The following LHFPL6 variants were observed in gnomAD, a reference collection of about 807,000 sequenced individuals.
LHFPL6 encodes the protein LHFPL tetraspan subfamily member 6 protein.
A neutral mutation model predicts 20.6 loss-of-function variants in LHFPL6; 9 were observed. That is an observed-to-expected ratio of 0.44 (90% CI 0.26 to 0.76). LHFPL6 has a LOEUF of 0.76. LHFPL6 is among the 30% of genes least tolerant of loss of function. The probability of loss-of-function intolerance (pLI) is 0.20; values close to 1 mark genes in which losing one functional copy is unlikely to be tolerated. For missense variants in LHFPL6, 218 were observed against 253.5 expected, an observed-to-expected ratio of 0.86 and a Z score of 0.95; for synonymous variants, 105 against 98.7, an observed-to-expected ratio of 1.06 and a Z score of -0.38.
At chr13:39,398,417 A>C (rs543920581) in intron 2 of LHFPL6, among the ~76,000 whole-genome samples, 1 of 152,318 alleles carries the variant, frequency 6.6e-6, no homozygotes, top group South Asian at 2.1e-4. Context: ...CCAAATAGTA[A>C]GAAAGATGTA....
chr13:39,359,611 T>C lies in LHFPL6; in HGVS notation c.485-15557A>G, dbSNP rs570050461. Among the ~76,000 whole-genome samples the C allele has an allele frequency of 1.6e-4, 24 of 152,226 alleles. No homozygotes were observed. The South Asian group carries it at 4.6e-3, about 29-fold the overall frequency. On this transcript the variant is annotated intron_variant, in intron 3 of 3. Coordinates refer to ENST00000379589, the MANE Select transcript of LHFPL6 (RefSeq NM_005780.3). ...AACATGTACATAAAGATGGGAACAA[T>C]AGATATTGGGGAATACAAGGAGAAG...
chr13:39,481,918 G>A (rs919590975), intron 2 of LHFPL6, among the ~76,000 whole-genome samples: 3 of 152,166 alleles, frequency 2.0e-5, no homozygotes, highest in Non-Finnish European at 4.4e-5. Flanking sequence ...GTAGAGAGAT[G>A]ATGGTGCCTG....
intron 2 of LHFPL6, among the ~76,000 whole-genome samples, chr13:39,576,831 T>A (rs1362855212): frequency 3.9e-5 from 6 of 152,148 alleles, no homozygotes; most frequent in Non-Finnish European, 8.8e-5. Flanking sequence ...AGAGACAATG[T>A]CTCATTACGT....
chr13:39,585,191 G>T (rs1449180232), intron 2 of LHFPL6, among the ~76,000 whole-genome samples: 1 of 152,192 alleles, frequency 6.6e-6, no homozygotes, highest in East Asian at 1.9e-4. Context: ...GAGCTTGAGG[G>T]AATACACAGA....
At chr13:39,344,179 T>A in intron 3 of LHFPL6, 125 bp from the exon 4 acceptor site, 1 of 668,462 alleles carries the variant, frequency 1.5e-6, no homozygotes, top group African/African-American at 1.8e-5. Flanking sequence ...CTCGCTTAAA[T>A]GGAATAATAA....
chr13:39,559,180 G>A (rs1170775514), intron 2 of LHFPL6, among the ~76,000 whole-genome samples: 1 of 152,190 alleles, frequency 6.6e-6, no homozygotes, highest in Non-Finnish European at 1.5e-5. Context: ...GCCAAGGGAG[G>A]ACTCAGTGCC....
At position 39,440,722 on chromosome 13, in the gene LHFPL6, G is replaced by A. The variant is rs539819545; in HGVS notation, c.386-62196C>T. On this transcript the variant is annotated intron_variant, in intron 2 of 3. Coordinates refer to ENST00000379589, the MANE Select transcript of LHFPL6 (RefSeq NM_005780.3). ...CTCAAGCAATTCTCCTGCTTCAGCC[G>A]GATATGGTTTGGCTGTGTCCCCCAC... is the stretch of plus-strand genomic sequence containing the variant. 2.7e-3 allele frequency among the ~76,000 whole-genome samples: 403 copies of A among 151,976 alleles called. 1 individual carries two copies. The highest frequency in any genetic ancestry group is 3.9e-3 in the Non-Finnish European group (265 of 67,948).
At chr13:39,506,701 G>A (rs1323804276) in intron 2 of LHFPL6, among the ~76,000 whole-genome samples, 1 of 152,098 alleles carries the variant, frequency 6.6e-6, no homozygotes, top group Non-Finnish European at 1.5e-5. Flanking sequence ...TGGCAGAGAA[G>A]GAAGGAGGTG....
At chr13:39,430,010 T>G (rs1222228986) in intron 2 of LHFPL6, among the ~76,000 whole-genome samples, 1 of 152,242 alleles carries the variant, frequency 6.6e-6, no homozygotes, top group Non-Finnish European at 1.5e-5. Flanking sequence ...ATCTTATTAC[T>G]TCAACTTCAT....
At chr13:39,565,649 C>A (rs1208805566) in intron 2 of LHFPL6, among the ~76,000 whole-genome samples, 4 of 152,204 alleles carry the variant, frequency 2.6e-5, no homozygotes, top group African/African-American at 9.6e-5. Context: ...ATTATTATAA[C>A]AGAACATTCT....
chr13:39,524,321 G>T, intron 2 of LHFPL6, among the ~76,000 whole-genome samples: 1 of 143,974 alleles, frequency 6.9e-6, no homozygotes, highest in Non-Finnish European at 1.5e-5. Flanking sequence ...GGAAAGAGGT[G>T]ACTCACTCAC....
chr13:39,389,296 G>A lies in LHFPL6; in HGVS notation c.386-10770C>T, dbSNP rs569327908. 1.5e-3 allele frequency among the ~76,000 whole-genome samples: 233 copies of A among 152,338 alleles called. 1 individual carries two copies. The highest frequency in any genetic ancestry group is 3.4e-3 in the Middle Eastern group (1 of 294). On this transcript the variant is annotated intron_variant, in intron 2 of 3. Transcript: ENST00000379589. The stretch of plus-strand genomic sequence containing the variant: ...TGTGAGTAACCAAATTCCCTTGGAA[G>A]AAAGGAAGAGTGAGCTTGTGGGTTG...
chr13:39,600,037 A>G (rs749744864), intron 2 of LHFPL6, among the ~76,000 whole-genome samples: 1 of 152,256 alleles, frequency 6.6e-6, no homozygotes, highest in African/African-American at 2.4e-5. Flanking sequence ...GGAGGTGAAA[A>G]GCACAGTGGA....
At chr13:39,500,567 CTTCT>C in intron 2 of LHFPL6, among the ~76,000 whole-genome samples, 1 of 152,220 alleles carries the variant, frequency 6.6e-6, no homozygotes, top group Non-Finnish European at 1.5e-5. Context: ...CATCTCAATT[CTTCT>C]TTCTACTTCC....
chr13:39,564,008 G>A (rs1050033756), intron 2 of LHFPL6, among the ~76,000 whole-genome samples: 2 of 152,060 alleles, frequency 1.3e-5, no homozygotes, highest in Non-Finnish European at 2.9e-5. Flanking sequence ...ATCACGTTGA[G>A]CCCATGGTGA....
intron 2 of LHFPL6, among the ~76,000 whole-genome samples, chr13:39,380,946 C>T (rs1424466182): frequency 2.6e-5 from 4 of 152,058 alleles, no homozygotes; most frequent in Admixed American, 6.6e-5. Flanking sequence ...GGAAAATAGG[C>T]CCAGGGCTCT....
intron 2 of LHFPL6, among the ~76,000 whole-genome samples, chr13:39,452,898 A>G (rs903036036): frequency 1.3e-5 from 2 of 152,174 alleles, no homozygotes; most frequent in African/African-American, 4.8e-5. Context: ...ATAGTTCTGT[A>G]CCATCCTCTG....
intron 2 of LHFPL6, among the ~76,000 whole-genome samples, chr13:39,497,730 G>C (rs941555781): frequency 3.9e-5 from 6 of 152,090 alleles, no homozygotes; most frequent in African/African-American, 9.6e-5. Context: ...TTCCAAAGAT[G>C]GGGGGGAGGA....
At position 39,382,870 on chromosome 13, in the gene LHFPL6, T is replaced by C. The variant is rs1384710938; in HGVS notation, c.386-4344A>G. On this transcript the variant is annotated intron_variant, in intron 2 of 3. Transcript: ENST00000379589. ...TATATTAATATTTATGTAGCTCTTGTTTTGTCACCTGCTAGTATTTGCTAG... is the reference window on the plus strand; with the variant it reads ...TATATTAATATTTATGTAGCTCTTGCTTTGTCACCTGCTAGTATTTGCTAG... 2.0e-5 allele frequency among the ~76,000 whole-genome samples: 3 copies of C among 152,160 alleles called. No individual in the cohort carries two copies. The East Asian group carries it at 5.8e-4, about 29-fold the overall frequency.
Sources: allele counts gnomAD v4.1 joint callset (sites outside exome capture counted in the v4.1 genomes callset), GRCh38; gene constraint gnomAD v4.1.1; transcripts MANE v1.5; gene names NCBI Gene and HGNC (gene_info 2026-07-23, HGNC 2026-07-21).